The following PRUNE2 variants were observed in gnomAD, a reference collection of about 807,000 sequenced individuals.
The protein encoded by PRUNE2 is prune homolog 2 with BCH domain.
PRUNE2 carries 164 observed loss-of-function variants against 252.0 expected under a neutral mutation model. The observed-to-expected ratio is 0.65, with a 90% CI of 0.57 to 0.74. The LOEUF is 0.74. Ranked by LOEUF, PRUNE2 falls within the 30% of genes least tolerant of loss-of-function variation. PRUNE2 has a pLI of 0.00. For missense variants in PRUNE2, 3,495 were observed against 3,711.0 expected (o/e 0.94, Z 1.51); for synonymous variants, 1,292 against 1,350.2 (o/e 0.96, Z 0.94).
intron 6 of PRUNE2, among the ~76,000 whole-genome samples, chr9:76,804,507 T>A (rs1055618461): frequency 5.3e-5 from 8 of 152,332 alleles, no homozygotes; most frequent in African/African-American, 1.7e-4. Flanking sequence ...ATCATCTTGG[T>A]GCTTCAACAT....
intron 9 of PRUNE2, among the ~76,000 whole-genome samples, chr9:76,676,244 T>TA (rs57084757): frequency 0.9 from 128,875 of 143,900 alleles, 57,761 homozygotes; most frequent in South Asian, 0.96. Flanking sequence ...GTGAAAACAT[T>TA]AAAAAAAAAA....
chr9:76,776,291 C>A (rs2053727465), intron 6 of PRUNE2, among the ~76,000 whole-genome samples: 1 of 152,092 alleles, frequency 6.6e-6, no homozygotes, highest in Admixed American at 6.6e-5. Context: ...CACCCTCCCG[C>A]CTTCCCACCT....
rs181359129 is a variant in PRUNE2 at position 76,731,940 on chromosome 9, T to A, written c.757-18219A>T. 4.9e-3 allele frequency among the ~76,000 whole-genome samples: 746 copies of A among 152,340 alleles called. 6 individuals are homozygous for A. The highest frequency in any genetic ancestry group is 0.017 in the African/African-American group (718 of 41,588). On this transcript the variant is annotated intron_variant, in intron 6 of 18. Transcript: ENST00000376718. ...TTATAGTAAAGGAGTCAAACCTTTT[T>A]ACTCAGACACCCCCGCTGCTCCCAC...
chr9:76,659,410 C>A (rs987894220), intron 9 of PRUNE2, among the ~76,000 whole-genome samples: 2 of 152,168 alleles, frequency 1.3e-5, no homozygotes, highest in Non-Finnish European at 2.9e-5. Flanking sequence ...TGAAAAGACA[C>A]TGAATGCTTT....
At chr9:76,680,280 A>G (rs1166470492) in intron 9 of PRUNE2, among the ~76,000 whole-genome samples, 1 of 152,218 alleles carries the variant, frequency 6.6e-6, no homozygotes, top group Non-Finnish European at 1.5e-5. Context: ...AATCATTAGA[A>G]AAATGCAAAT....
rs1589488577 is a variant in PRUNE2 at position 76,837,418 on chromosome 9, G to A, written c.508+9097C>T. On this transcript the variant is annotated intron_variant, in intron 4 of 18. Coordinates refer to ENST00000376718, the MANE Select transcript of PRUNE2 (RefSeq NM_015225.3). ...GATTGTGCCATTGCACTCCGGCCTGGCGACACAGTGAGACTCTGTCTCAAA... is the reference window on the plus strand; with the variant it reads ...GATTGTGCCATTGCACTCCGGCCTGACGACACAGTGAGACTCTGTCTCAAA... 3.4e-5 allele frequency among the ~76,000 whole-genome samples: 5 copies of A among 146,832 alleles called. No homozygotes were observed. In the South Asian group the frequency reaches 1.1e-3, roughly 33 times the overall value.
intron 6 of PRUNE2, chr9:76,778,507 T>G (rs898493862): frequency 2.0e-5 from 3 of 152,196 alleles, no homozygotes; most frequent in Non-Finnish European, 2.9e-5. Context: ...AGGAGATCAG[T>G]TGGAGCAAGC....
intron 7 of PRUNE2, among the ~76,000 whole-genome samples, chr9:76,711,767 G>T (rs1039718594): frequency 6.6e-6 from 1 of 152,242 alleles, no homozygotes; most frequent in African/African-American, 2.4e-5. Flanking sequence ...ACAGGCTGTT[G>T]TTTGGGAGGG....
At position 76,776,893 on chromosome 9, in the gene PRUNE2, T is replaced by TACACACACAC. The variant is rs541232508; in HGVS notation, c.756+46729_756+46738dup. Among the ~76,000 whole-genome samples the TACACACACAC allele has an allele frequency of 2.8e-4, 32 of 115,666 alleles. 1 individual carries two copies. Among genetic ancestry groups the TACACACACAC allele is most frequent in the East Asian group, 6.9e-4 (3 of 4,342 alleles). The allele number at this position is 115,666 out of a possible 152,430, so 75.9% of individuals were successfully genotyped here. ...GTTTCTTTCTCATTACCAAAACACA[T>TACACACACAC]ACACACACACACACACACACACACA... On this transcript the variant is annotated intron_variant, in intron 6 of 18. Coordinates refer to ENST00000376718, the MANE Select transcript of PRUNE2 (RefSeq NM_015225.3).
chr9:76,666,804 A>T (rs1167876398), intron 9 of PRUNE2, among the ~76,000 whole-genome samples: 5 of 152,184 alleles, frequency 3.3e-5, no homozygotes, highest in African/African-American at 1.2e-4. Flanking sequence ...CTCCGCACAC[A>T]GGGAGAAAAA....
intron 4 of PRUNE2, among the ~76,000 whole-genome samples, chr9:76,832,934 C>T (rs73462315): frequency 0.14 from 21,028 of 151,938 alleles, 1,489 homozygotes; most frequent in Non-Finnish European, 0.15. Context: ...AAGACATGGA[C>T]ACCACTAGGA....
chr9:76,840,727 T>A (rs1353682721), intron 4 of PRUNE2, among the ~76,000 whole-genome samples: 1 of 152,178 alleles, frequency 6.6e-6, no homozygotes, highest in African/African-American at 2.4e-5. Context: ...AGGCCTGTAA[T>A]CCCAGCACTT....
intron 18 of PRUNE2, 75 bp from the exon 19 acceptor site, chr9:76,614,675 T>C: frequency 8.7e-7 from 1 of 1,146,712 alleles, no homozygotes; most frequent in South Asian, 1.4e-5. Flanking sequence ...TGGGTAGCAC[T>C]GTGTTTGCTT....
chr9:76,754,297 G>T (rs549557330), intron 6 of PRUNE2, among the ~76,000 whole-genome samples: 1 of 152,160 alleles, frequency 6.6e-6, no homozygotes, highest in Non-Finnish European at 1.5e-5. Flanking sequence ...CAGAATAACA[G>T]ATCTATCTCT....
intron 6 of PRUNE2, among the ~76,000 whole-genome samples, chr9:76,723,281 C>T (rs2047803218): frequency 1.3e-5 from 2 of 152,328 alleles, no homozygotes; most frequent in South Asian, 4.1e-4. Flanking sequence ...GTGGCATAAT[C>T]ACTGGTTATC....
chr9:76,644,488 G>A, intron 12 of PRUNE2: 2 of 545,344 alleles, frequency 3.7e-6, no homozygotes. Flanking sequence ...ATTTGCACAA[G>A]ATGATCGCTA....
At chr9:76,649,604 TA>T (rs1437445286) in intron 11 of PRUNE2, among the ~76,000 whole-genome samples, 4 of 103,864 alleles carry the variant, frequency 3.9e-5, no homozygotes, top group African/African-American at 1.2e-4. Context: ...GATAGATAGA[TA>T]GATAGATGAT....
At chr9:76,799,902 C>T (rs1393678239) in intron 6 of PRUNE2, among the ~76,000 whole-genome samples, 1 of 152,074 alleles carries the variant, frequency 6.6e-6, no homozygotes, top group East Asian at 1.9e-4. Flanking sequence ...ACCACCTACC[C>T]ATAGGTGATA....
chr9:76,885,917 C>T (rs1315031064), intron 1 of PRUNE2, among the ~76,000 whole-genome samples: 4 of 151,914 alleles, frequency 2.6e-5, no homozygotes, highest in African/African-American at 7.3e-5. Flanking sequence ...CGGCGGTTTA[C>T]GCCTATAATC....
Sources: gnomAD v4.1 joint callset for allele counts (sites outside exome capture counted in the v4.1 genomes callset) on GRCh38, gnomAD v4.1.1 for gene constraint, MANE v1.5 for transcripts, NCBI Gene and HGNC (gene_info 2026-07-23, HGNC 2026-07-21) for gene names.